The following MYO3B variants were observed in gnomAD, a reference collection of about 807,000 sequenced individuals.
MYO3B encodes the protein myosin IIIB.
MYO3B carries 156 observed loss-of-function variants against 174.6 expected under a neutral mutation model. The observed-to-expected ratio is 0.89, with a 90% CI of 0.78 to 1.02. The LOEUF (loss-of-function observed/expected upper bound fraction) is 1.02, where lower values mean the gene tolerates loss of function less well. MYO3B is among the 50% of genes least tolerant of loss of function. The pLI, the probability that MYO3B is intolerant of heterozygous loss-of-function variation, is 0.00. For missense variants in MYO3B, 1,632 were observed against 1,639.4 expected (o/e 1.00, Z 0.08); for synonymous variants, 563 against 569.1 (o/e 0.99, Z 0.15).
chr2:170,229,216 G>A (rs765342953), intron 6 of MYO3B, among the ~76,000 whole-genome samples: 177 of 152,170 alleles, frequency 1.2e-3, no homozygotes, highest in Non-Finnish European at 5.3e-4. Flanking sequence ...CATGAATTGT[G>A]TAAGCAAATT....
Position 170,515,453 on chromosome 2 carries a change from A to AGAACATTCATGGAAGGAAGG in MYO3B, c.3472+433_3472+452dup, listed in dbSNP as rs553897012. On this transcript the variant is annotated intron_variant, in intron 29 of 34. Transcript: ENST00000408978. The stretch of plus-strand genomic sequence containing the variant: ...TGGTATATAGATCTCAGACTGATTG[A>AGAACATTCATGGAAGGAAGG]GAACATTCATGGAAGGAAGGGGTAC... Among the ~76,000 whole-genome samples the AGAACATTCATGGAAGGAAGG allele has an allele frequency of 1.7e-4, 26 of 152,300 alleles. No homozygotes were observed. The South Asian group carries it at 5.0e-3, about 29-fold the overall frequency.
intron 29 of MYO3B, among the ~76,000 whole-genome samples, chr2:170,515,396 G>A (rs1313549003): frequency 6.6e-6 from 1 of 152,124 alleles, no homozygotes; most frequent in Admixed American, 6.5e-5. Flanking sequence ...AAAGTTTAGT[G>A]TCTTGGGAAG....
chr2:170,359,111 A>C (rs1414150593), intron 8 of MYO3B, among the ~76,000 whole-genome samples: 2 of 152,216 alleles, frequency 1.3e-5, no homozygotes, highest in Non-Finnish European at 2.9e-5. Context: ...GAGAGGTTGA[A>C]TACAATGAGA....
intron 7 of MYO3B, chr2:170,334,574 G>A (rs941884069): frequency 2.0e-5 from 3 of 152,158 alleles, no homozygotes; most frequent in Admixed American, 6.5e-5. Flanking sequence ...TTGAGTTGCC[G>A]ACAAGCCCTT....
intron 28 of MYO3B, among the ~76,000 whole-genome samples, chr2:170,508,563 A>G (rs1284215016): frequency 6.6e-6 from 1 of 152,204 alleles, no homozygotes; most frequent in Non-Finnish European, 1.5e-5. Flanking sequence ...GAGTTAAATA[A>G]GTTGTGTCTC....
In MYO3B at chr2:170,652,820, AC is replaced by A. The variant is rs1403208413; in HGVS notation, c.3888-161del. Among the ~76,000 whole-genome samples, 4 of 152,156 alleles carry A rather than the reference AC, an allele frequency of 2.6e-5. No individual in the cohort carries two copies. The East Asian group carries it at 7.7e-4, about 29-fold the overall frequency. On this transcript the variant is annotated intron_variant, in intron 34 of 34. Coordinates refer to ENST00000408978, the MANE Select transcript of MYO3B (RefSeq NM_138995.5). ...AGGGCTTTGTAGATCAGACCCTGGT[AC>A]CTCTGTACTGGGAGACCCTGAGCTA...
chr2:170,473,470 A>T (rs1373408588), intron 25 of MYO3B, among the ~76,000 whole-genome samples: 1 of 151,884 alleles, frequency 6.6e-6, no homozygotes, highest in Non-Finnish European at 1.5e-5. Flanking sequence ...TTCTTTTATC[A>T]TCCCTTGACT....
intron 23 of MYO3B, among the ~76,000 whole-genome samples, chr2:170,448,480 T>G (rs1290454131): frequency 6.6e-6 from 1 of 152,204 alleles, no homozygotes; most frequent in Non-Finnish European, 1.5e-5. Flanking sequence ...GGGTTAGGTA[T>G]TGACCCCTAG....
intron 30 of MYO3B, chr2:170,524,562 C>A (rs1350082379): frequency 4.6e-6 from 2 of 433,484 alleles, no homozygotes; most frequent in African/African-American, 4.1e-5. Context: ...CAGCTGACTG[C>A]AACCTCCGCC....
At chr2:170,300,925 T>G (rs951097427) in intron 7 of MYO3B, among the ~76,000 whole-genome samples, 4 of 152,196 alleles carry the variant, frequency 2.6e-5, no homozygotes, top group Admixed American at 2.0e-4. Flanking sequence ...GACTAAAATC[T>G]CAGGAAGAGG....
At chr2:170,389,397 T>A (rs892022578) in intron 14 of MYO3B, among the ~76,000 whole-genome samples, 1 of 152,188 alleles carries the variant, frequency 6.6e-6, no homozygotes, top group African/African-American at 2.4e-5. Flanking sequence ...CATCAGTGAC[T>A]GCAGTGAGCA....
chr2:170,419,592 C>G (rs918060838), intron 22 of MYO3B, among the ~76,000 whole-genome samples: 1 of 152,202 alleles, frequency 6.6e-6, no homozygotes, highest in African/African-American at 2.4e-5. Context: ...TCACTAAGAG[C>G]TTGGGTAGCT....
At chr2:170,190,891 TCTTTTCTCTC>T (rs1323221500) in intron 1 of MYO3B, among the ~76,000 whole-genome samples, 1 of 151,806 alleles carries the variant, frequency 6.6e-6, no homozygotes, top group Non-Finnish European at 1.5e-5. Flanking sequence ...TGTCCTTTAC[TCTTTTCTCTC>T]CTTTTCTCAA....
In MYO3B at chr2:170,398,358, A is replaced by G. The variant is rs1451465125; in HGVS notation, c.1792-1830A>G. Among the ~76,000 whole-genome samples the G allele has an allele frequency of 5.3e-5, 8 of 152,192 alleles. No homozygotes were observed. In the East Asian group the frequency reaches 1.3e-3, roughly 26 times the overall value. The stretch of plus-strand genomic sequence containing the variant: ...TGAGCACACCACTCTCCCAGCACCC[A>G]TGTGTTCACCAACCTGAAAGCTCTC... On this transcript the variant is annotated intron_variant, in intron 16 of 34. Coordinates refer to ENST00000408978, the MANE Select transcript of MYO3B (RefSeq NM_138995.5).
rs921979363 is a variant in MYO3B at position 170,443,875 on chromosome 2, A to G, written c.2651-92A>G. 72 of 1,025,634 alleles carry G rather than the reference A, an allele frequency of 7.0e-5. No homozygotes were observed. The African/African-American group carries it at 1.0e-3, about 14-fold the overall frequency. 63.5% of individuals were successfully genotyped at this position (1,025,634 alleles called of 1,614,324 possible). On this transcript the variant is annotated intron_variant, in intron 22 of 34. Transcript: ENST00000408978. ...TCAGAGCAGATTGTTTTGAAAATTC[A>G]GAAAAATACAAGGACCCAAAGGGAA...
chr2:170,235,678 C>T (rs2093061933), intron 6 of MYO3B, among the ~76,000 whole-genome samples: 1 of 152,140 alleles, frequency 6.6e-6, no homozygotes, highest in Admixed American at 6.5e-5. Flanking sequence ...CAAAGCCTTT[C>T]CTTAAAGAAT....
chr2:170,387,769 G>A (rs1465854459), intron 14 of MYO3B, among the ~76,000 whole-genome samples: 8 of 152,116 alleles, frequency 5.3e-5, no homozygotes, highest in Non-Finnish European at 1.2e-4. Context: ...GGGTTCAAAT[G>A]CAGGTTCTGA....
chr2:170,636,664 G>A (rs550416058), intron 32 of MYO3B, among the ~76,000 whole-genome samples: 20 of 152,242 alleles, frequency 1.3e-4, no homozygotes, highest in African/African-American at 3.4e-4. Flanking sequence ...AGCTGGTGGC[G>A]CGTTTCCCGG....
intron 32 of MYO3B, among the ~76,000 whole-genome samples, chr2:170,595,135 T>C (rs953488285): frequency 6.6e-6 from 1 of 152,190 alleles, no homozygotes; most frequent in Admixed American, 6.5e-5. Context: ...ACCTAAGTTT[T>C]GATTTCTGTA....
Sources: gnomAD v4.1 joint callset for allele counts (sites outside exome capture counted in the v4.1 genomes callset) on GRCh38, gnomAD v4.1.1 for gene constraint, MANE v1.5 for transcripts, NCBI Gene and HGNC (gene_info 2026-07-23, HGNC 2026-07-21) for gene names.